CHCT1: variants seen among roughly 807,000 people sequenced by gnomAD.
CHCT1 encodes CHD1 helical C-terminal domain containing protein 1.
chr17:60,429,354 C>T, the CHCT1 span: 1 of 1,612,186 alleles, frequency 6.2e-7, no homozygotes, highest in East Asian at 2.2e-5. Flanking sequence ...ACGGAGGCTC[C>T]ATGGCAGGTG....
At chr17:60,430,127 T>C in the CHCT1 span, among the ~76,000 whole-genome samples, 10,880 of 129,020 alleles carry the variant, frequency 0.084, 1,940 homozygotes, top group African/African-American at 0.34. Context: ...CCTGGCTTTT[T>C]TTTTTTTTTT....
At chr17:60,426,366 T>C in the CHCT1 span, 1,009 of 1,520,402 alleles carry the variant, frequency 6.6e-4, 3 homozygotes, top group South Asian at 7.0e-4. Flanking sequence ...CTGCTCCCCA[T>C]ACCTACTCCT....
the CHCT1 span, among the ~76,000 whole-genome samples, chr17:60,424,870 A>C: frequency 6.6e-6 from 1 of 152,138 alleles, no homozygotes; most frequent in Non-Finnish European, 1.5e-5. Context: ...GAATAAAAAA[A>C]AAAAGGAATT....
chr17:60,422,435 G>C, the CHCT1 span: 102 of 1,495,130 alleles, frequency 6.8e-5, no homozygotes, highest in African/African-American at 1.4e-3. Context: ...AGCGGGGTGG[G>C]GGGCTGGGTT....
chr17:60,429,463 C>A, the CHCT1 span: 1 of 1,614,272 alleles, frequency 6.2e-7, no homozygotes, highest in Non-Finnish European at 8.5e-7. Context: ...ACAGCAACAT[C>A]AGCGGCATGA....
chr17:60,426,126 C>T, the CHCT1 span: 9 of 1,545,098 alleles, frequency 5.8e-6, no homozygotes, highest in Non-Finnish European at 7.9e-6. Context: ...CTTCTTTTCT[C>T]CCATGGCCCC....
chr17:60,431,089 C>T, the CHCT1 span: 1 of 860,880 alleles, frequency 1.2e-6, no homozygotes, highest in Non-Finnish European at 1.8e-6. Context: ...TATTCTTCCT[C>T]TCTGCCCCTA....
At chr17:60,428,859 A>C in the CHCT1 span, among the ~76,000 whole-genome samples, 1 of 151,360 alleles carries the variant, frequency 6.6e-6, no homozygotes, top group Non-Finnish European at 1.5e-5. Context: ...TCATTTCTAA[A>C]ATTTTTATTT....
the CHCT1 span, chr17:60,426,190 G>A: frequency 1.8e-5 from 28 of 1,551,686 alleles, no homozygotes; most frequent in Middle Eastern, 5.0e-4. Flanking sequence ...CGCTGAAGAA[G>A]TTCCTGCGAA....
the CHCT1 span, among the ~76,000 whole-genome samples, chr17:60,422,895 A>G: frequency 1.3e-5 from 2 of 152,070 alleles, no homozygotes. Context: ...ATGTATACAC[A>G]TGGTCTGTGT....
At chr17:60,421,794 G>A in the CHCT1 span, 1 of 952,774 alleles carries the variant, frequency 1.0e-6, no homozygotes, top group Non-Finnish European at 1.2e-6. Context: ...TCGCGGGTAG[G>A]AAGAGTCGGG....
the CHCT1 span, chr17:60,421,861 C>A: frequency 1.0e-6 from 1 of 985,430 alleles, no homozygotes; most frequent in Non-Finnish European, 1.2e-6. Context: ...CACACGAGGC[C>A]GGCGACGGGA....
At chr17:60,422,027 C>A in the CHCT1 span, 16 of 880,112 alleles carry the variant, frequency 1.8e-5, no homozygotes, top group Non-Finnish European at 2.2e-5. Flanking sequence ...CAGCACCCAG[C>A]ACCCAGCACG....
chr17:60,423,044 G>C, the CHCT1 span, among the ~76,000 whole-genome samples: 2 of 152,050 alleles, frequency 1.3e-5, no homozygotes, highest in Non-Finnish European at 2.9e-5. Context: ...TGGTCTGGAC[G>C]GGATCTTCCT....
chr17:60,425,132 T>C, the CHCT1 span, among the ~76,000 whole-genome samples: 1 of 152,272 alleles, frequency 6.6e-6, no homozygotes, highest in East Asian at 1.9e-4. Context: ...TCCCACTCCA[T>C]GATCTCCTTA....
chr17:60,423,696 G>A, the CHCT1 span, among the ~76,000 whole-genome samples: 1 of 152,066 alleles, frequency 6.6e-6, no homozygotes, highest in Non-Finnish European at 1.5e-5. Flanking sequence ...GAACTTCTGG[G>A]CTCAAGCAAT....
At chr17:60,429,336 T>C in the CHCT1 span, 1 of 1,599,950 alleles carries the variant, frequency 6.3e-7, no homozygotes, top group Non-Finnish European at 8.6e-7. Flanking sequence ...CTCAACACTC[T>C]CCTTAACACG....
At chr17:60,422,829 A>T in the CHCT1 span, among the ~76,000 whole-genome samples, 1 of 152,162 alleles carries the variant, frequency 6.6e-6, no homozygotes, top group East Asian at 1.9e-4. Flanking sequence ...TCCTGGCGAG[A>T]TGATGGGGAA....
the CHCT1 span, among the ~76,000 whole-genome samples, chr17:60,430,576 G>T: frequency 3.9e-5 from 6 of 152,218 alleles, no homozygotes; most frequent in African/African-American, 1.2e-4. Flanking sequence ...AGCCTCCCCG[G>T]TTCAAGTGAT....
Sources: gnomAD v4.1 joint callset for allele counts (sites outside exome capture counted in the v4.1 genomes callset) on GRCh38, gnomAD v4.1.1 for gene constraint, MANE v1.5 for transcripts, NCBI Gene and HGNC (gene_info 2026-07-23, HGNC 2026-07-21) for gene names.